Variants in SBK3 observed in about 807,000 individuals in gnomAD.
SBK3 encodes SH3 domain binding kinase family member 3, also known as uncharacterized serine/threonine-protein kinase SBK3.
SBK3 carries 16 observed loss-of-function variants against 12.7 expected under a neutral mutation model. The ratio of observed to expected loss-of-function variants is 1.26; its 90% CI spans 0.86 to 1.92. The LOEUF is 1.92. Ranked by LOEUF, SBK3 falls within the 40% of genes most tolerant of loss-of-function variation. SBK3 has a pLI of 0.00. For synonymous variants in SBK3, 217 were observed against 213.6 expected (o/e 1.02, Z -0.14); for missense variants, 462 against 481.8 (o/e 0.96, Z 0.38).
rs940680673 is a variant in SBK3 at position 55,541,731 on chromosome 19, G to A, written c.400-205C>T. Among the ~76,000 whole-genome samples, 3 of 152,154 alleles carry A rather than the reference G, an allele frequency of 2.0e-5. No individual in the cohort carries two copies. Among genetic ancestry groups the A allele is most frequent in the African/African-American group, 7.2e-5 (3 of 41,438 alleles). Reference sequence around the variant, plus strand: ...GGCTCTAGATTCCTAAGTCCTAAAAGTTTGACTCTTGGGGTTTGAGAATCT... The same window carrying A: ...GGCTCTAGATTCCTAAGTCCTAAAAATTTGACTCTTGGGGTTTGAGAATCT... On this transcript the variant is annotated intron_variant, in intron 3 of 3. Coordinates refer to ENST00000612221, the MANE Select transcript of SBK3 (RefSeq NM_001199824.2). This position sits in a 1 kb window ranked among gnomAD's most constrained non-coding sequence, Gnocchi z 5.3.
intron 2 of SBK3, 27 bp downstream of exon 2, chr19:55,544,772 A>G: frequency 6.8e-7 from 1 of 1,461,086 alleles, no homozygotes; most frequent in Non-Finnish European, 9.0e-7. Flanking sequence ...GCAGTTGGGG[A>G]GGCTGCCCTT....
chr19:55,541,342 G>A lies in SBK3; in HGVS notation c.584C>T (p.Pro195Leu), dbSNP rs754198532. Residue 195 changes from proline (P) to leucine (L), a missense_variant, in exon 4 of 4, where the codon CCC becomes CTC. Coordinates refer to ENST00000612221, the MANE Select transcript of SBK3 (RefSeq NM_001199824.2). The surrounding 1 kb of genome is among the most constrained non-coding windows in gnomAD (Gnocchi z 5.3). ...GLTRPEGSPT[P>L]APPVPLPTAP... ...CGTGGGCAGAGGCACTGGTGGGGCG[G>A]GGGTCGGGCTGCCCTCTGGCCGGGT... is the stretch of plus-strand genomic sequence containing the variant. 3 of 1,535,126 alleles carry A rather than the reference G, an allele frequency of 2.0e-6. No homozygotes were observed. The South Asian group carries it at 3.6e-5, about 18-fold the overall frequency.
Position 55,544,269 on chromosome 19 carries a change from TC to T in SBK3, c.229del (p.Asp77IlefsTer4). ...CAGGAAGGTGCTTCTCAGGACCAAA[TC>T]CCGACGCAGGAGCTTCAGAGCCACA... ...PAVALKLLRR[D>X]LVLRSTFLRE... is the part of the protein sequence containing the mutation. On this transcript the variant is annotated frameshift_variant, in exon 3 of 4. Transcript: ENST00000612221. LOFTEE classifies it high-confidence loss of function. 6.5e-7 allele frequency: 1 copy of T among 1,535,810 alleles called. No homozygotes were observed. Among genetic ancestry groups the T allele is most frequent in the Non-Finnish European group, 8.7e-7 (1 of 1,146,832 alleles).
chr19:55,545,203 C>A lies in SBK3; in HGVS notation c.46-254G>T. 1.7e-6 allele frequency: 1 copy of A among 580,058 alleles called. No individual in the cohort carries two copies. 35.9% of individuals were successfully genotyped at this position (580,058 alleles called of 1,614,324 possible). On this transcript the variant is annotated intron_variant, in intron 1 of 3. Coordinates refer to ENST00000612221, the MANE Select transcript of SBK3 (RefSeq NM_001199824.2). This position sits in a 1 kb window ranked among gnomAD's most constrained non-coding sequence, Gnocchi z 4.4. Reference sequence around the variant, plus strand: ...GTGGGAGCAGGCCAGGAGCCCCCAGCCCCGAGTGGGGGTGCATCCTCAGCC... The same window carrying A: ...GTGGGAGCAGGCCAGGAGCCCCCAGACCCGAGTGGGGGTGCATCCTCAGCC...
intron 2 of SBK3, 52 bp downstream of exon 2, chr19:55,544,747 A>C (rs1303640100): frequency 1.4e-6 from 2 of 1,437,282 alleles, no homozygotes; most frequent in African/African-American, 1.4e-5. Context: ...GGCTTCCGAG[A>C]ATGCTTATTG....
intron 3 of SBK3, among the ~76,000 whole-genome samples, chr19:55,542,634 G>T (rs1988579918): frequency 8.8e-6 from 1 of 113,446 alleles, no homozygotes. Flanking sequence ...CGTCCATGCA[G>T]CCATCCACCC....
At position 55,541,260 on chromosome 19, in the gene SBK3, G is replaced by C. The variant is rs746559166; in HGVS notation, c.666C>G (p.Ala222=). ...GCACCCCCAGGCCCCAGGAGTCCACGGCTGGCCGCAGAGGCAGGGTGTCGG... is the reference window on the plus strand; with the variant it reads ...GCACCCCCAGGCCCCAGGAGTCCACCGCTGGCCGCAGAGGCAGGGTGTCGG... ...LPPDTLPLRP[A]VDSWGLGVLL... Residue 222 remains alanine, a synonymous_variant, in exon 4 of 4, where the codon GCC becomes GCG. Coordinates refer to ENST00000612221, the MANE Select transcript of SBK3 (RefSeq NM_001199824.2). The surrounding 1 kb of genome is among the most constrained non-coding windows in gnomAD (Gnocchi z 5.3). The C allele has an allele frequency of 1.6e-5, 24 of 1,536,000 alleles. No homozygotes were observed. The highest frequency in any genetic ancestry group is 2.0e-5 in the Non-Finnish European group (23 of 1,146,866).
In SBK3 at chr19:55,540,766, T is replaced by G. The variant is rs745770609; in HGVS notation, c.*80A>C. 2.5e-6 allele frequency: 3 copies of G among 1,197,662 alleles called. No homozygotes were observed. The highest frequency in any genetic ancestry group is 3.6e-6 in the Non-Finnish European group (3 of 837,862). 74.2% of individuals were successfully genotyped at this position (1,197,662 alleles called of 1,614,324 possible). A position where few individuals can be genotyped will look rare whatever the true frequency, so the allele number is the denominator to read the frequency against. On this transcript the variant is annotated 3_prime_UTR_variant, in exon 4 of 4. Coordinates refer to ENST00000612221, the MANE Select transcript of SBK3 (RefSeq NM_001199824.2). ...CCCTCTCTGTCCTCCCGGGTGCAGC[T>G]GTCTCTCCATCCAGGTGGCCCTGGG... is the stretch of plus-strand genomic sequence containing the variant.
At position 55,545,450 on chromosome 19, in the gene SBK3, T is replaced by C. The variant is rs745963190; in HGVS notation, c.45+49A>G. On this transcript the variant is annotated intron_variant, in intron 1 of 3. Coordinates refer to ENST00000612221, the MANE Select transcript of SBK3 (RefSeq NM_001199824.2). The surrounding 1 kb of genome is among the most constrained non-coding windows in gnomAD (Gnocchi z 4.4). ...CTCCCCGTGTTGCCTCCTGCCTCTCTCTCCTTCTTTTCTCTCTCTGTCTTC... is the reference window on the plus strand; with the variant it reads ...CTCCCCGTGTTGCCTCCTGCCTCTCCCTCCTTCTTTTCTCTCTCTGTCTTC... 1.4e-6 allele frequency: 2 copies of C among 1,437,766 alleles called. No homozygotes were observed. Among genetic ancestry groups the C allele is most frequent in the South Asian group, 1.2e-5 (1 of 81,610 alleles). The allele number at this position is 1,437,766 out of a possible 1,614,324, so 89.1% of individuals were successfully genotyped here.
intron 3 of SBK3, among the ~76,000 whole-genome samples, chr19:55,542,561 A>G (rs1365270117): frequency 6.9e-6 from 1 of 145,216 alleles, no homozygotes; most frequent in African/African-American, 2.6e-5. Flanking sequence ...CCATCCATCC[A>G]TCCATCCACC....
chr19:55,540,938 C>T lies in SBK3; in HGVS notation c.988G>A (p.Glu330Lys), dbSNP rs747779122. The change falls in exon 4 of 4, where the codon GAG (glutamate) becomes AAG (lysine). Residue 330 changes from glutamate (E) to lysine (K), a missense_variant. By Grantham distance (56) the Glu-to-Lys change is moderately conservative. Transcript: ENST00000612221. ...TCCTCCAGGCTTGAGCCTCCCTCCT[C>T]CCTGTCCTCATAGGACACGGCGCTC... Reference protein sequence around the residue: ...LGSAVSYEDREEGGSSLEEWT... With the variant: ...LGSAVSYEDRKEGGSSLEEWT... 6.5e-7 allele frequency: 1 copy of T among 1,536,202 alleles called. No homozygotes were observed. Among genetic ancestry groups the T allele is most frequent in the East Asian group, 2.4e-5 (1 of 40,912 alleles).
At chr19:55,542,862 TTC>T (rs1599949732) in intron 3 of SBK3, among the ~76,000 whole-genome samples, 1 of 110,588 alleles carries the variant, frequency 9.0e-6, no homozygotes, top group Admixed American at 8.7e-5. Context: ...CAATCCTTCC[TTC>T]CATCCATCCA....
In SBK3 at chr19:55,541,686, T is replaced by A. The variant is rs952554785; in HGVS notation, c.400-160A>T. Among the ~76,000 whole-genome samples, 2 of 152,208 alleles carry A rather than the reference T, an allele frequency of 1.3e-5. No individual in the cohort carries two copies. Among genetic ancestry groups the A allele is most frequent in the African/African-American group, 2.4e-5 (1 of 41,446 alleles). On this transcript the variant is annotated intron_variant, in intron 3 of 3. Coordinates refer to ENST00000612221, the MANE Select transcript of SBK3 (RefSeq NM_001199824.2). This position sits in a 1 kb window ranked among gnomAD's most constrained non-coding sequence, Gnocchi z 5.3. ...TGAGGCACTGCACCAGTTGGTTCCT[T>A]CTGAATAATTTTTGAAAGAGGCTCT...
In SBK3 at chr19:55,544,802, C is replaced by G. The variant is rs969201641; in HGVS notation, c.193G>C (p.Gly65Arg). Residue 65 changes from glycine to arginine, a missense_variant, in exon 2 of 4, where the codon GGG (glycine) becomes CGG (arginine). By Grantham distance (125) the Gly-to-Arg change is moderately radical (BLOSUM62 -2). Transcript: ENST00000612221. ...GRVLLAQPHQ[G>R]GPAVALKLLR... The stretch of plus-strand genomic sequence containing the variant: ...GCCCTTGGGTGGCTGAACTCACCCC[C>G]CTGGTGAGGCTGGGCAAGGAGCACG... 6.6e-6 allele frequency: 10 copies of G among 1,506,776 alleles called. No homozygotes were observed. In the East Asian group the frequency reaches 1.0e-4, roughly 15 times the overall value. 93.3% of individuals were successfully genotyped at this position (1,506,776 alleles called of 1,614,324 possible).
intron 2 of SBK3, 30 bp from the exon 3 acceptor site, chr19:55,544,332 C>T: frequency 2.0e-6 from 3 of 1,506,708 alleles, no homozygotes; most frequent in Non-Finnish European, 2.7e-6. Flanking sequence ...GAGGGACACT[C>T]AGGCGGCTCC....
chr19:55,544,763 C>G, intron 2 of SBK3, 36 bp downstream of exon 2: 5 of 1,453,724 alleles, frequency 3.4e-6, no homozygotes, highest in Non-Finnish European at 4.5e-6. Context: ...TATTGTGGGG[C>G]AGTTGGGGAG....
chr19:55,544,125 T>A lies in SBK3; in HGVS notation c.374A>T (p.Asp125Val). Residue 125 changes from aspartate (D) to valine (V), a missense_variant, in exon 3 of 4, where the codon GAC becomes GTC. Coordinates refer to ENST00000612221, the MANE Select transcript of SBK3 (RefSeq NM_001199824.2). ...AFAQEYAPCG[D>V]LSGMLQERGL... is the part of the protein sequence containing the mutation. ...CCTTTCCTGCAGCATCCCGCTGAGGTCCCCACAGGGCGCGTACTCCTGGGC... is the reference window on the plus strand; with the variant it reads ...CCTTTCCTGCAGCATCCCGCTGAGGACCCCACAGGGCGCGTACTCCTGGGC... The A allele has an allele frequency of 1.3e-6, 2 of 1,520,558 alleles. No homozygotes were observed. Among genetic ancestry groups the A allele is most frequent in the Non-Finnish European group, 1.8e-6 (2 of 1,139,154 alleles). 94.2% of individuals were successfully genotyped at this position (1,520,558 alleles called of 1,614,324 possible). A position where few individuals can be genotyped will look rare whatever the true frequency, so the allele number is the denominator to read the frequency against.
chr19:55,544,845 G>C lies in SBK3; in HGVS notation c.150C>G (p.Gly50=), dbSNP rs1289430805. ...RDQYHLIRKL[G]SGSYGRVLLA... is the part of the protein sequence containing the mutation. Reference sequence around the variant, plus strand: ...GGAGCACGCGGCCGTAGGAGCCGGAGCCCAGCTTCCGGATGAGGTGGTACT... The same window carrying C: ...GGAGCACGCGGCCGTAGGAGCCGGACCCCAGCTTCCGGATGAGGTGGTACT... Residue 50 remains glycine (G), a synonymous_variant, in exon 2 of 4, where the codon GGC becomes GGG. Transcript: ENST00000612221. 13 of 1,532,124 alleles carry C rather than the reference G, an allele frequency of 8.5e-6. No individual in the cohort carries two copies. In the Admixed American group the frequency reaches 2.6e-4, roughly 30 times the overall value. 94.9% of individuals were successfully genotyped at this position (1,532,124 alleles called of 1,614,324 possible). A position where few individuals can be genotyped will look rare whatever the true frequency, so the allele number is the denominator to read the frequency against.
rs1161765752 is a variant in SBK3, at chr19:55,544,890, C to T, written c.105G>A (p.Pro35=). ...LVELTTSRVT[P]VRSLRDQYHL... ...GGTACTGGTCCCGAAGGCTCCTCACCGGGGTCACCCTGCTGGTCGTCAGCT... is the reference window on the plus strand; with the variant it reads ...GGTACTGGTCCCGAAGGCTCCTCACTGGGGTCACCCTGCTGGTCGTCAGCT... Residue 35 remains proline (P), a synonymous_variant, in exon 2 of 4, where the codon CCG becomes CCA. Coordinates refer to ENST00000612221, the MANE Select transcript of SBK3 (RefSeq NM_001199824.2). The T allele has an allele frequency of 1.6e-5, 24 of 1,534,408 alleles. No homozygotes were observed. The Middle Eastern group carries it at 5.7e-4, about 36-fold the overall frequency.
Sources: gnomAD v4.1 joint callset for allele counts (sites outside exome capture counted in the v4.1 genomes callset) on GRCh38, gnomAD v4.1.1 for gene constraint, Gnocchi (gnomAD v3.1) non-coding constraint, MANE v1.5 for transcripts, NCBI Gene and HGNC (gene_info 2026-07-23, HGNC 2026-07-21) for gene names.